Variants in VPS13C observed in about 807,000 individuals in gnomAD.
The protein encoded by VPS13C is intermembrane lipid transfer protein VPS13C.
Under a neutral mutation model 456.8 loss-of-function variants are expected in VPS13C, and 358 were observed. The ratio of observed to expected loss-of-function variants is 0.78; its 90% CI spans 0.72 to 0.86. The LOEUF (loss-of-function observed/expected upper bound fraction) is 0.86. VPS13C is among the 40% of genes least tolerant of loss of function. VPS13C has a pLI of 0.00. For missense variants in VPS13C, 4,818 were observed against 4,385.4 expected, an observed-to-expected ratio of 1.10 and a Z score of -2.79; for synonymous variants, 1,578 against 1,486.7, an observed-to-expected ratio of 1.06 and a Z score of -1.41.
chr15:61,938,600 T>G (rs2044308416), intron 47 of VPS13C, among the ~76,000 whole-genome samples: 1 of 152,238 alleles, frequency 6.6e-6, no homozygotes, highest in Non-Finnish European at 1.5e-5. Flanking sequence ...AAAGTAATTA[T>G]AATACTTTGA....
At chr15:61,938,910 C>T (rs1443440175) in intron 47 of VPS13C, among the ~76,000 whole-genome samples, 2 of 152,076 alleles carry the variant, frequency 1.3e-5, no homozygotes, top group Non-Finnish European at 2.9e-5. Flanking sequence ...CACACTGCAT[C>T]TCTTATAAAC....
intron 15 of VPS13C, among the ~76,000 whole-genome samples, chr15:62,004,905 T>C (rs1190750479): frequency 1.3e-5 from 2 of 152,222 alleles, no homozygotes; most frequent in Non-Finnish European, 2.9e-5. Context: ...ATAATTTCTG[T>C]TCTTTTACAT....
chr15:61,928,275 A>G (rs559238745), intron 51 of VPS13C, among the ~76,000 whole-genome samples: 67 of 152,306 alleles, frequency 4.4e-4, no homozygotes, highest in Admixed American at 7.2e-4. Flanking sequence ...GCATAAGTAT[A>G]TATTATATTG....
chr15:61,912,978 G>A (rs1442147524), intron 62 of VPS13C, among the ~76,000 whole-genome samples: 1 of 150,836 alleles, frequency 6.6e-6, no homozygotes, highest in Non-Finnish European at 1.5e-5. Context: ...AAACCACAAT[G>A]AGATACCATC....
chr15:61,910,531 T>G (rs947035361), intron 63 of VPS13C, among the ~76,000 whole-genome samples: 1 of 152,148 alleles, frequency 6.6e-6, no homozygotes, highest in Non-Finnish European at 1.5e-5. Flanking sequence ...TATATGTATT[T>G]ATGGTATAAT....
intron 9 of VPS13C, among the ~76,000 whole-genome samples, chr15:62,014,225 G>T (rs758812162): frequency 3.3e-5 from 5 of 151,766 alleles, no homozygotes; most frequent in Non-Finnish European, 7.4e-5. Context: ...TAATTACTGG[G>T]TTAATATGTA....
Position 61,894,267 on chromosome 15 carries a change from C to T in VPS13C, c.9106-3867G>A, listed in dbSNP as rs575747593. Among the ~76,000 whole-genome samples the T allele has an allele frequency of 5.9e-5, 9 of 151,656 alleles. No homozygotes were observed. The South Asian group carries it at 1.7e-3, about 28-fold the overall frequency. On this transcript the variant is annotated intron_variant, in intron 66 of 84. Transcript: ENST00000644861. ...AGGTTGCAGTGAGACGAGATTGCAC[C>T]ACTGCACTCCAGCCAGGGTGACAGA...
chr15:61,977,179 G>A lies in VPS13C; in HGVS notation c.2311C>T (p.Arg771Ter), dbSNP rs896065645. Residue 771 changes from arginine (R) to a stop codon, truncating the protein, a stop_gained, in exon 24 of 85, where the codon CGA becomes TGA. Coordinates refer to ENST00000644861, the MANE Select transcript of VPS13C (RefSeq NM_020821.3). LOFTEE classifies it high-confidence loss of function. ...ARAEETWKKCRFQHPSTMHIL... is the reference protein window; with the variant it reads ...ARAEETWKKC ...TGCATAGTTGATGGATGCTGAAATC[G>A]ACACTTTTTCCAGGTTTCCTCTTTA... The A allele has an allele frequency of 7.7e-6, 12 of 1,554,546 alleles. No individual in the cohort carries two copies. Among genetic ancestry groups the A allele is most frequent in the East Asian group, 2.4e-5 (1 of 41,518 alleles).
intron 42 of VPS13C, among the ~76,000 whole-genome samples, chr15:61,947,989 A>T (rs1207714121): frequency 6.6e-6 from 1 of 152,190 alleles, no homozygotes; most frequent in African/African-American, 2.4e-5. Flanking sequence ...TTTAGGATCC[A>T]TTTTCCTAAA....
chr15:61,875,208 T>G, intron 76 of VPS13C, among the ~76,000 whole-genome samples: 1 of 152,074 alleles, frequency 6.6e-6, no homozygotes, highest in East Asian at 1.9e-4. Context: ...AATTACAATT[T>G]GAAGTTGGCC....
Position 61,936,583 on chromosome 15 carries a change from T to A in VPS13C, c.5755+14A>T. On this transcript the variant is annotated intron_variant, in intron 48 of 84. Coordinates refer to ENST00000644861, the MANE Select transcript of VPS13C (RefSeq NM_020821.3). ...CAATTTTTTCTCCATAAAGTAAATATCATCAATTTATACCTTTGAGATGGT... is the reference window on the plus strand; with the variant it reads ...CAATTTTTTCTCCATAAAGTAAATAACATCAATTTATACCTTTGAGATGGT... 1 of 1,516,108 alleles carries A rather than the reference T, an allele frequency of 6.6e-7. No homozygotes were observed. The allele number at this position is 1,516,108 out of a possible 1,614,324, so 93.9% of individuals were successfully genotyped here.
chr15:62,037,390 A>T (rs12910565), intron 3 of VPS13C, among the ~76,000 whole-genome samples: 1 of 104,166 alleles, frequency 9.6e-6, no homozygotes, highest in African/African-American at 3.7e-5. Context: ...AAATGTATAT[A>T]ATATATTATA....
At chr15:61,871,921 A>G in intron 79 of VPS13C, 68 bp downstream of exon 79, 1 of 1,375,190 alleles carries the variant, frequency 7.3e-7, no homozygotes, top group African/African-American at 1.4e-5. Flanking sequence ...CAGCAATAAC[A>G]TCTACTATGT....
chr15:61,964,570 A>G, intron 31 of VPS13C, 129 bp downstream of exon 31: 1 of 877,150 alleles, frequency 1.1e-6, no homozygotes, highest in Non-Finnish European at 1.7e-6. Flanking sequence ...GTGCTCGCAT[A>G]TAATTTAATT....
intron 42 of VPS13C, 115 bp from the exon 43 acceptor site, chr15:61,947,424 C>A: frequency 3.0e-6 from 2 of 668,310 alleles, no homozygotes; most frequent in Non-Finnish European, 2.6e-6. Flanking sequence ...AACCAAAATG[C>A]CCTCCATTAA....
Position 62,007,441 on chromosome 15 carries a change from A to C in VPS13C, c.1157T>G (p.Ile386Arg), listed in dbSNP as rs1232946198. The stretch of plus-strand genomic sequence containing the variant: ...TGACCACATCTGTGTATACCTTCTT[A>C]TATGAACTTCAAGAACAGAATCAAT... ...YAIDSVLEVH[I>R]RRYTQMWSWS... Residue 386 changes from isoleucine (I) to arginine (R), a missense_variant, in exon 15 of 85, where the codon ATA becomes AGA. Ile to Arg is a moderately conservative substitution (Grantham distance 97). Coordinates refer to ENST00000644861, the MANE Select transcript of VPS13C (RefSeq NM_020821.3). The C allele has an allele frequency of 6.3e-7, 1 of 1,599,860 alleles. No homozygotes were observed. The highest frequency in any genetic ancestry group is 1.7e-5 in the Admixed American group (1 of 57,590).
chr15:62,037,478 T>A, intron 3 of VPS13C, among the ~76,000 whole-genome samples: 2 of 110,420 alleles, frequency 1.8e-5, no homozygotes, highest in African/African-American at 4.9e-5. Flanking sequence ...ATAAATTTAT[T>A]ATATTGTAAG....
Position 61,923,706 on chromosome 15 carries a change from A to G in VPS13C, c.6610-944T>C, listed in dbSNP as rs1417076839. On this transcript the variant is annotated intron_variant, in intron 53 of 84. Transcript: ENST00000644861. ...ACTTAAAATGTAAAGGGATATAATT[A>G]TATCATCAAAAGCAGGATCTAGTAT... Among the ~76,000 whole-genome samples the G allele has an allele frequency of 2.7e-5, 4 of 150,068 alleles. No individual in the cohort carries two copies. In the East Asian group the frequency reaches 7.8e-4, roughly 29 times the overall value.
chr15:61,948,113 T>C (rs2044667273), intron 42 of VPS13C, among the ~76,000 whole-genome samples: 1 of 152,226 alleles, frequency 6.6e-6, no homozygotes, highest in South Asian at 2.1e-4. Flanking sequence ...ATATTTGATG[T>C]AACATAATCA....
Sources: gnomAD v4.1 joint callset for allele counts (sites outside exome capture counted in the v4.1 genomes callset) on GRCh38, gnomAD v4.1.1 for gene constraint, MANE v1.5 for transcripts, NCBI Gene and HGNC (gene_info 2026-07-23, HGNC 2026-07-21) for gene names.